Variants in ZFHX3 observed in about 807,000 individuals in gnomAD.
ZFHX3 encodes zinc finger homeobox protein 3.
ZFHX3 carries 42 observed loss-of-function variants against 279.1 expected under a neutral mutation model. That is an observed-to-expected ratio of 0.15 (90% CI 0.12 to 0.19). ZFHX3 has a LOEUF of 0.19. Ranked by LOEUF, ZFHX3 falls within the 10% of genes least tolerant of loss-of-function variation. ZFHX3 has a pLI of 1.00. For synonymous variants in ZFHX3, 2,293 were observed against 1,957.8 expected (o/e 1.17, Z -4.52); for missense variants, 4,981 against 4,754.0 (o/e 1.05, Z -1.40).
intron 2 of ZFHX3, among the ~76,000 whole-genome samples, chr16:73,530,071 AC>A (rs2019770771): frequency 6.6e-6 from 1 of 152,172 alleles, no homozygotes; most frequent in Admixed American, 6.5e-5. Context: ...TAAATTACAG[AC>A]AAAAAGAGGT....
At chr16:73,776,338 T>C (rs1959243710) in intron 1 of ZFHX3, among the ~76,000 whole-genome samples, 1 of 152,104 alleles carries the variant, frequency 6.6e-6, no homozygotes, top group Non-Finnish European at 1.5e-5. Flanking sequence ...TCCATTTCCG[T>C]AATTAATTTC....
chr16:72,811,252 T>C (rs2036435270), intron 7 of ZFHX3, among the ~76,000 whole-genome samples: 1 of 152,204 alleles, frequency 6.6e-6, no homozygotes, highest in South Asian at 2.1e-4. Context: ...AAGAGCAATC[T>C]AGTTCATGAC....
At chr16:73,059,283 A>T (rs1965643563) in exon 1 of ZFHX3, 1 of 150,700 alleles carries the variant, frequency 6.6e-6, no homozygotes, top group African/African-American at 2.4e-5. Flanking sequence ...GGATGGGAGA[A>T]GAGCCTAGAA....
chr16:73,725,647 T>C (rs558519583), intron 1 of ZFHX3, among the ~76,000 whole-genome samples: 1 of 152,138 alleles, frequency 6.6e-6, no homozygotes, highest in African/African-American at 2.4e-5. Flanking sequence ...TGGTAAAGCA[T>C]TGAGGAGCTA....
exon 1 of ZFHX3, chr16:73,058,932 G>GCGT: frequency 5.8e-6 from 1 of 171,938 alleles, no homozygotes; most frequent in African/African-American, 2.4e-5. Context: ...GGCGGCGGCG[G>GCGT]CTGCGGCCGG....
intron 2 of ZFHX3, among the ~76,000 whole-genome samples, chr16:73,533,053 G>A (rs2019835507): frequency 6.6e-6 from 1 of 152,208 alleles, no homozygotes; most frequent in Non-Finnish European, 1.5e-5. Flanking sequence ...CGTGAAAATG[G>A]ACTAATGCAC....
At chr16:73,652,341 G>C (rs1035633117) in intron 2 of ZFHX3, among the ~76,000 whole-genome samples, 6 of 152,110 alleles carry the variant, frequency 3.9e-5, no homozygotes, top group African/African-American at 1.4e-4. Flanking sequence ...AGGCTTAAAA[G>C]CAGTCAGCAG....
chr16:73,582,601 A>G (rs1035085109), intron 2 of ZFHX3, among the ~76,000 whole-genome samples: 5 of 151,958 alleles, frequency 3.3e-5, no homozygotes, highest in Admixed American at 2.0e-4. Context: ...CAGCCTCCTG[A>G]GTAGCTGGGA....
At chr16:72,928,929 T>C (rs1959639134) in intron 3 of ZFHX3, among the ~76,000 whole-genome samples, 1 of 152,102 alleles carries the variant, frequency 6.6e-6, no homozygotes. Flanking sequence ...ACCACTGCAC[T>C]CCAGGCTGGA....
intron 3 of ZFHX3, among the ~76,000 whole-genome samples, chr16:73,362,258 G>C (rs2016445445): frequency 6.6e-6 from 1 of 152,196 alleles, no homozygotes; most frequent in African/African-American, 2.4e-5. Context: ...TTTTGTCTGA[G>C]TTTGCAAACG....
chr16:73,188,863 T>C (rs1967970398), intron 5 of ZFHX3, among the ~76,000 whole-genome samples: 1 of 124,842 alleles, frequency 8.0e-6, no homozygotes, highest in African/African-American at 3.0e-5. Context: ...GATATTTCTT[T>C]TTCTTTTTTT....
intron 3 of ZFHX3, among the ~76,000 whole-genome samples, chr16:73,354,522 C>CG (rs1258515326): frequency 1.4e-4 from 22 of 152,192 alleles, no homozygotes; most frequent in African/African-American, 5.1e-4. Context: ...CTCCCTTCCA[C>CG]GCCCTGTTAC....
chr16:73,625,897 G>A (rs1186654519), intron 2 of ZFHX3, among the ~76,000 whole-genome samples: 1 of 152,090 alleles, frequency 6.6e-6, no homozygotes, highest in Non-Finnish European at 1.5e-5. Context: ...TCACTGTGTT[G>A]CCCAGGCTGG....
At chr16:73,257,662 G>A (rs867274218) in intron 4 of ZFHX3, among the ~76,000 whole-genome samples, 7 of 152,264 alleles carry the variant, frequency 4.6e-5, no homozygotes, top group African/African-American at 1.4e-4. Flanking sequence ...AAAACTTTTC[G>A]TGAGCTAAGC....
intron 8 of ZFHX3, among the ~76,000 whole-genome samples, chr16:73,076,370 G>C (rs1220146290): frequency 2.0e-5 from 3 of 152,170 alleles, no homozygotes; most frequent in Non-Finnish European, 4.4e-5. Flanking sequence ...ATGAGATAAA[G>C]ATACGTTATC....
chr16:73,475,507 T>C (rs2018750491), intron 2 of ZFHX3, among the ~76,000 whole-genome samples: 1 of 152,162 alleles, frequency 6.6e-6, no homozygotes, highest in Admixed American at 6.5e-5. Flanking sequence ...ATTTTAAACA[T>C]TATTTTTTAA....
intron 3 of ZFHX3, among the ~76,000 whole-genome samples, chr16:72,891,001 G>T (rs1473423811): frequency 6.6e-6 from 1 of 152,188 alleles, no homozygotes. Flanking sequence ...GGCACCCTAG[G>T]TCAGGAACAT....
At chr16:73,545,583 C>G (rs187283562) in intron 2 of ZFHX3, among the ~76,000 whole-genome samples, 355 of 152,240 alleles carry the variant, frequency 2.3e-3, no homozygotes, top group Middle Eastern at 6.8e-3. Flanking sequence ...AAAGAAAAAT[C>G]GGAGCCCAGT....
intron 1 of ZFHX3, among the ~76,000 whole-genome samples, chr16:73,782,189 G>A (rs1051243831): frequency 6.6e-6 from 1 of 152,112 alleles, no homozygotes; most frequent in African/African-American, 2.4e-5. Context: ...GTGTCCAAAT[G>A]ACAAATGTAA....
Sources: gnomAD v4.1 joint callset for allele counts (sites outside exome capture counted in the v4.1 genomes callset) on GRCh38, gnomAD v4.1.1 for gene constraint, MANE v1.5 for transcripts, NCBI Gene and HGNC (gene_info 2026-07-23, HGNC 2026-07-21) for gene names.